CHN2: variants seen among roughly 807,000 people sequenced by gnomAD.
The protein encoded by CHN2 is chimerin 2.
In CHN2, 35 loss-of-function variants were observed where a neutral mutation model predicts 56.3. The observed-to-expected ratio is 0.62, with a 90% confidence interval of 0.47 to 0.82. The LOEUF (loss-of-function observed/expected upper bound fraction) is 0.82. CHN2 is among the 40% of genes least tolerant of loss of function. The pLI is 0.00. For missense variants in CHN2, 491 were observed against 580.5 expected, an observed-to-expected ratio of 0.85 and a Z score of 1.58; for synonymous variants, 210 against 212.8, an observed-to-expected ratio of 0.99 and a Z score of 0.12.
At chr7:29,420,697 A>G (rs756414938) in intron 6 of CHN2, among the ~76,000 whole-genome samples, 20 of 152,334 alleles carry the variant, frequency 1.3e-4, no homozygotes, top group South Asian at 6.2e-4. Context: ...CAAGATGAAA[A>G]AGTTCTGGAA....
intron 7 of CHN2, among the ~76,000 whole-genome samples, chr7:29,494,077 C>T (rs1403832960): frequency 1.3e-5 from 2 of 152,162 alleles, no homozygotes; most frequent in Non-Finnish European, 2.9e-5. Context: ...TTCTTTTGCT[C>T]CCGCAAGGCC....
chr7:29,178,310 CAG>C (rs1436314847), intron 2 of CHN2, among the ~76,000 whole-genome samples: 1 of 152,164 alleles, frequency 6.6e-6, no homozygotes, highest in Non-Finnish European at 1.5e-5. Flanking sequence ...TAGAAATAAA[CAG>C]AAAGTCTCCA....
intron 6 of CHN2, among the ~76,000 whole-genome samples, chr7:29,447,319 A>G (rs545642692): frequency 6.6e-6 from 1 of 152,358 alleles, no homozygotes; most frequent in African/African-American, 2.4e-5. Flanking sequence ...TAAGATGTAA[A>G]GTACACTGCA....
In CHN2 at chr7:29,241,736, T is replaced by C. The variant is rs1584840392; in HGVS notation, c.49+46746T>C. On this transcript the variant is annotated intron_variant, in intron 1 of 12. Transcript: ENST00000222792. ...CCAGGTAGTAGGTCCTGAAGGAACT[T>C]GTCCAGGAGGAGGAAAGACGGCCTC... Among the ~76,000 whole-genome samples the C allele has an allele frequency of 2.6e-5, 4 of 152,052 alleles. No homozygotes were observed. In the South Asian group the frequency reaches 8.3e-4, roughly 32 times the overall value.
chr7:29,261,815 G>A (rs1180032500), intron 1 of CHN2, among the ~76,000 whole-genome samples: 5 of 152,172 alleles, frequency 3.3e-5, no homozygotes, highest in African/African-American at 1.2e-4. Flanking sequence ...TCACAAAATT[G>A]TATGTTAGAT....
chr7:29,292,385 T>C (rs1035741187), intron 1 of CHN2, among the ~76,000 whole-genome samples: 10 of 151,336 alleles, frequency 6.6e-5, no homozygotes, highest in African/African-American at 2.4e-4. Context: ...CTAATAAATA[T>C]TGAGAAAAAA....
Position 29,512,190 on chromosome 7 carries a change from AAC to A in CHN2, c.1236-373_1236-372del, listed in dbSNP as rs1462949032. ...AGGAAGCCACAAGAGGGAAAAAAAA[AAC>A]GCCTTCTGTATAAGGCCTATGAAAG... On this transcript the variant is annotated intron_variant, in intron 12 of 12. Transcript: ENST00000222792. Among the ~76,000 whole-genome samples, 242 of 146,466 alleles carry A rather than the reference AAC, an allele frequency of 1.7e-3. 2 individuals carry two copies. Among genetic ancestry groups the A allele is most frequent in the African/African-American group, 5.0e-3 (201 of 40,336 alleles).
At chr7:29,510,759 G>GTCCATCCCATAC (rs1357349723) in intron 12 of CHN2, among the ~76,000 whole-genome samples, 3 of 152,154 alleles carry the variant, frequency 2.0e-5, no homozygotes, top group African/African-American at 7.2e-5. Flanking sequence ...AGCAAATCAA[G>GTCCATCCCATAC]TCCATCCCAT....
chr7:29,395,689 A>G (rs1200729826), intron 4 of CHN2, among the ~76,000 whole-genome samples: 1 of 152,174 alleles, frequency 6.6e-6, no homozygotes, highest in Admixed American at 6.5e-5. Context: ...AGTCATACAA[A>G]TATATTAGAT....
intron 1 of CHN2, among the ~76,000 whole-genome samples, chr7:29,207,080 C>CT (rs1357105920): frequency 6.6e-6 from 1 of 152,120 alleles, no homozygotes; most frequent in Non-Finnish European, 1.5e-5. Context: ...GAATTGTTTG[C>CT]TTTTAAACAG....
chr7:29,279,431 C>A (rs1791498932), intron 1 of CHN2, among the ~76,000 whole-genome samples: 1 of 152,238 alleles, frequency 6.6e-6, no homozygotes, highest in South Asian at 2.1e-4. Context: ...GTTGTTTAGA[C>A]ATTGGAATGC....
At chr7:29,222,915 A>G (rs1785916252) in intron 1 of CHN2, among the ~76,000 whole-genome samples, 2 of 152,204 alleles carry the variant, frequency 1.3e-5, no homozygotes, top group East Asian at 1.9e-4. Flanking sequence ...GAGCAAAGGA[A>G]TAGAATAGAG....
chr7:29,241,217 G>C (rs542614877), intron 1 of CHN2, among the ~76,000 whole-genome samples: 268 of 152,200 alleles, frequency 1.8e-3, no homozygotes, highest in African/African-American at 6.2e-3. Context: ...CAGAGACGGG[G>C]TTCTTTGTCC....
At chr7:29,192,998 T>A (rs1244710921), upstream of CHN2, 1 of 152,222 alleles carries the variant, frequency 6.6e-6, no homozygotes, top group East Asian at 1.9e-4. Flanking sequence ...GGGTCACGTG[T>A]CCCTGAAGGC....
At position 29,212,277 on chromosome 7, in the gene CHN2, T is replaced by C. The variant is rs150171615; in HGVS notation, c.49+17287T>C. The C allele has an allele frequency of 9.0e-4, 929 of 1,030,026 alleles. 4 individuals are homozygous for C. The African/African-American group carries it at 0.012, about 13-fold the overall frequency. The allele number at this position is 1,030,026 out of a possible 1,614,324, so 63.8% of individuals were successfully genotyped here. ...TTTTCCAGTCCACCTCTTAAATTTT[T>C]TCCCCCTCTTCCTCAATACTAACAT... On this transcript the variant is annotated intron_variant, in intron 1 of 12. Coordinates refer to ENST00000222792, the MANE Select transcript of CHN2 (RefSeq NM_004067.4).
chr7:29,304,683 T>G (rs935860552), intron 1 of CHN2, among the ~76,000 whole-genome samples: 36 of 152,214 alleles, frequency 2.4e-4, no homozygotes, highest in Admixed American at 1.8e-3. Context: ...TTGTGACTCT[T>G]AAGCCCTCGC....
At chr7:29,429,313 G>A (rs188981504) in intron 6 of CHN2, among the ~76,000 whole-genome samples, 1 of 152,290 alleles carries the variant, frequency 6.6e-6, no homozygotes, top group South Asian at 2.1e-4. Context: ...TAAAAGAAGA[G>A]ATATCAGTCT....
chr7:29,398,761 ATTT>A (rs61569425), intron 5 of CHN2, among the ~76,000 whole-genome samples: 19,556 of 120,372 alleles, frequency 0.16, 1,789 homozygotes, highest in African/African-American at 0.29. Flanking sequence ...TGACTGGCTA[ATTT>A]TTTTTTTTTT....
upstream of CHN2, among the ~76,000 whole-genome samples, chr7:29,190,903 G>A (rs530609139): frequency 1.3e-5 from 2 of 151,826 alleles, no homozygotes; most frequent in East Asian, 3.9e-4. Context: ...ACAATACAGG[G>A]GCTGGGCAAA....
Sources: gnomAD v4.1 joint callset for allele counts (sites outside exome capture counted in the v4.1 genomes callset) on GRCh38, gnomAD v4.1.1 for gene constraint, MANE v1.5 for transcripts, NCBI Gene and HGNC (gene_info 2026-07-23, HGNC 2026-07-21) for gene names.